PDE4D: variants seen among roughly 807,000 people sequenced by gnomAD.
The protein encoded by PDE4D is phosphodiesterase 4D, also known as 3',5'-cyclic-AMP phosphodiesterase 4D.
A neutral mutation model predicts 87.4 loss-of-function variants in PDE4D; 24 were observed. The ratio of observed to expected loss-of-function variants is 0.27; its 90% CI spans 0.20 to 0.39. The LOEUF (loss-of-function observed/expected upper bound fraction) is 0.39. Among genes scored for constraint, PDE4D ranks in the 10% least tolerant of loss-of-function variants. The probability of loss-of-function intolerance (pLI) is 1.00; values close to 1 mark genes in which losing one functional copy is unlikely to be tolerated. For missense variants in PDE4D, 714 were observed against 1,041.0 expected, an observed-to-expected ratio of 0.69 and a Z score of 4.32; for synonymous variants, 384 against 383.2, an observed-to-expected ratio of 1.00 and a Z score of -0.02.
intron 1 of PDE4D, among the ~76,000 whole-genome samples, chr5:59,539,972 C>T (rs908532850): frequency 2.0e-5 from 3 of 152,138 alleles, no homozygotes; most frequent in African/African-American, 4.8e-5. Context: ...ACCAGTGGAT[C>T]TCAGACTCTA....
intron 2 of PDE4D, among the ~76,000 whole-genome samples, chr5:60,052,124 G>GGTACCATTCCTTCTGAAACTACTCCAA (rs1770240392): frequency 6.6e-6 from 1 of 152,140 alleles, no homozygotes; most frequent in South Asian, 2.1e-4. Flanking sequence ...AAGAGGAGCT[G>GGTACCATTCCTTCTGAAACTACTCCAA]GTACCATTCC....
At chr5:60,017,776 T>C (rs1250486806) in intron 2 of PDE4D, among the ~76,000 whole-genome samples, 2 of 152,204 alleles carry the variant, frequency 1.3e-5, no homozygotes, top group African/African-American at 2.4e-5. Context: ...TGTATTTTTA[T>C]AATAGAATGA....
intron 1 of PDE4D, among the ~76,000 whole-genome samples, chr5:59,476,730 G>A (rs1047110474): frequency 1.3e-5 from 2 of 152,048 alleles, no homozygotes; most frequent in Non-Finnish European, 2.9e-5. Context: ...TGCATTGCAT[G>A]TGGTCAAATG....
chr5:59,744,951 G>T (rs1759392869), intron 1 of PDE4D, among the ~76,000 whole-genome samples: 1 of 152,116 alleles, frequency 6.6e-6, no homozygotes. Flanking sequence ...AACATTCATT[G>T]TGATATCAAG....
chr5:59,574,703 C>G (rs750804305), intron 1 of PDE4D, among the ~76,000 whole-genome samples: 73 of 152,220 alleles, frequency 4.8e-4, no homozygotes, highest in Non-Finnish European at 7.9e-4. Flanking sequence ...TTTTCATACT[C>G]CTTATTACTT....
chr5:60,288,039 T>C (rs956297358), intron 1 of PDE4D, among the ~76,000 whole-genome samples: 1 of 152,200 alleles, frequency 6.6e-6, no homozygotes, highest in Non-Finnish European at 1.5e-5. Flanking sequence ...TTTCTAGAAG[T>C]GATTGAAAGA....
chr5:59,000,496 G>A (rs1750273219), intron 6 of PDE4D, among the ~76,000 whole-genome samples: 1 of 152,122 alleles, frequency 6.6e-6, no homozygotes. Context: ...CCTCACCTGT[G>A]TGCCATGGCT....
intron 1 of PDE4D, among the ~76,000 whole-genome samples, chr5:59,755,404 A>G (rs1252369738): frequency 6.6e-6 from 1 of 152,222 alleles, no homozygotes; most frequent in Non-Finnish European, 1.5e-5. Context: ...GGCCTTTTAA[A>G]TAAAAATGTA....
intron 1 of PDE4D, among the ~76,000 whole-genome samples, chr5:60,222,039 C>T (rs1196881437): frequency 1.3e-5 from 2 of 152,106 alleles, no homozygotes; most frequent in African/African-American, 4.8e-5. Flanking sequence ...ACACCCTTCT[C>T]CCCGCACATA....
chr5:59,072,360 A>C (rs141085078), intron 5 of PDE4D, among the ~76,000 whole-genome samples: 2 of 152,284 alleles, frequency 1.3e-5, no homozygotes, highest in African/African-American at 4.8e-5. Flanking sequence ...GAGCATCTAT[A>C]TTTGGCAGCC....
At chr5:60,067,203 C>A (rs1772200634) in intron 2 of PDE4D, among the ~76,000 whole-genome samples, 1 of 151,784 alleles carries the variant, frequency 6.6e-6, no homozygotes, top group Non-Finnish European at 1.5e-5. Context: ...ATTGTTAATC[C>A]CAGTAATTTG....
chr5:59,581,536 G>C (rs1016283903), intron 1 of PDE4D, among the ~76,000 whole-genome samples: 2 of 152,014 alleles, frequency 1.3e-5, no homozygotes, highest in African/African-American at 4.8e-5. Flanking sequence ...AGACCTCCCT[G>C]GCTTATGCCA....
rs1783128878 is a variant in PDE4D at position 60,168,466 on chromosome 5, T to A, written c.42+17091A>T. The stretch of plus-strand genomic sequence containing the variant: ...CCTCTCCCTCACAAGACATTATGAA[T>A]CTCTCCATGCTGCCCCTTCTTCTGT... On this transcript the variant is annotated intron_variant, in intron 2 of 16. Transcript: ENST00000502484. Among the ~76,000 whole-genome samples, 6 of 152,176 alleles carry A rather than the reference T, an allele frequency of 3.9e-5. No individual in the cohort carries two copies. The South Asian group carries it at 1.2e-3, about 31-fold the overall frequency.
chr5:59,614,191 A>G (rs1200834052), intron 1 of PDE4D, among the ~76,000 whole-genome samples: 1 of 152,140 alleles, frequency 6.6e-6, no homozygotes, highest in Non-Finnish European at 1.5e-5. Flanking sequence ...GGGAGCACAC[A>G]TTGAGTTCAA....
At chr5:59,580,605 CCA>C (rs1175767313) in intron 1 of PDE4D, among the ~76,000 whole-genome samples, 1 of 151,962 alleles carries the variant, frequency 6.6e-6, no homozygotes, top group East Asian at 1.9e-4. Flanking sequence ...GTAACTGGGA[CCA>C]CAGGCATGAA....
At chr5:59,198,331 A>G (rs1002012364) in intron 2 of PDE4D, among the ~76,000 whole-genome samples, 2 of 152,234 alleles carry the variant, frequency 1.3e-5, no homozygotes, top group African/African-American at 4.8e-5. Context: ...ATGTATGCAC[A>G]CATGTATACA....
intron 1 of PDE4D, among the ~76,000 whole-genome samples, chr5:59,755,604 T>G (rs1761103038): frequency 6.6e-6 from 1 of 152,130 alleles, no homozygotes. Context: ...ATTATCAGCC[T>G]GCAATTCATA....
chr5:59,467,688 C>T (rs1477672896), intron 1 of PDE4D, among the ~76,000 whole-genome samples: 1 of 152,102 alleles, frequency 6.6e-6, no homozygotes, highest in Admixed American at 6.5e-5. Flanking sequence ...GGCAAAATGC[C>T]ATTGAAGCAT....
At chr5:59,656,897 T>G (rs1264792454) in intron 1 of PDE4D, among the ~76,000 whole-genome samples, 1 of 152,194 alleles carries the variant, frequency 6.6e-6, no homozygotes, top group African/African-American at 2.4e-5. Flanking sequence ...CTTATAGAGA[T>G]AGCATTTCCA....
Sources: gnomAD v4.1 joint callset for allele counts (sites outside exome capture counted in the v4.1 genomes callset) on GRCh38, gnomAD v4.1.1 for gene constraint, MANE v1.5 for transcripts, NCBI Gene and HGNC (gene_info 2026-07-23, HGNC 2026-07-21) for gene names.